The following ATXN3 variants were observed in gnomAD, a reference collection of about 807,000 sequenced individuals.
The protein encoded by ATXN3 is ataxin 3, also known as ataxin-3.
ATXN3 carries 28 observed loss-of-function variants against 58.2 expected under a neutral mutation model. The ratio of observed to expected loss-of-function variants is 0.48; its 90% CI spans 0.36 to 0.66. The LOEUF (loss-of-function observed/expected upper bound fraction) is 0.66, where lower values mean the gene tolerates loss of function less well. ATXN3 is among the 30% of genes least tolerant of loss of function. ATXN3 has a pLI of 0.00. For missense variants in ATXN3, 321 were observed against 422.1 expected, an observed-to-expected ratio of 0.76 and a Z score of 2.10; for synonymous variants, 113 against 138.5, an observed-to-expected ratio of 0.82 and a Z score of 1.29.
At chr14:92,091,226 G>A (rs929395764) in intron 5 of ATXN3, among the ~76,000 whole-genome samples, 3 of 152,122 alleles carry the variant, frequency 2.0e-5, no homozygotes, top group Middle Eastern at 3.4e-3. Context: ...AGAGACGGAC[G>A]GATCACCTGA....
At chr14:92,066,774 A>ATTTT (rs144833998) in intron 10 of ATXN3, among the ~76,000 whole-genome samples, 20,563 of 140,348 alleles carry the variant, frequency 0.15, 1,612 homozygotes, top group African/African-American at 0.2. Context: ...AGCCTGGATA[A>ATTTT]TTTTTTTTTT....
rs192725335 is a variant in ATXN3 at position 92,087,602 on chromosome 14, T to C, written c.475+1128A>G. Among the ~76,000 whole-genome samples the C allele has an allele frequency of 9.2e-5, 14 of 152,328 alleles. No individual in the cohort carries two copies. In the East Asian group the frequency reaches 2.5e-3, roughly 27 times the overall value. Reference sequence around the variant, plus strand: ...TGTGGTTTAACCAGGGTTGAGATTTTTGTCATTCAAGTATGATGGAGGGAG... The same window carrying C: ...TGTGGTTTAACCAGGGTTGAGATTTCTGTCATTCAAGTATGATGGAGGGAG... On this transcript the variant is annotated intron_variant, in intron 6 of 10. Coordinates refer to ENST00000644486, the MANE Select transcript of ATXN3 (RefSeq NM_004993.6).
chr14:92,092,856 T>A (rs1195657144), intron 5 of ATXN3, among the ~76,000 whole-genome samples: 2 of 133,410 alleles, frequency 1.5e-5, no homozygotes, highest in African/African-American at 2.9e-5. Context: ...AATTTTTAAA[T>A]ATATTTTTTT....
Position 92,093,319 on chromosome 14 carries a change from C to A in ATXN3, c.321-1G>T. ...ATTGCATATAAATGATCTTTCATTT[C>A]TAAAAAAGAAAACAGACAATATTAA... is the stretch of plus-strand genomic sequence containing the variant. On this transcript the variant is annotated splice_acceptor_variant, in intron 4 of 10. Transcript: ENST00000644486. LOFTEE classifies it high-confidence loss of function. 1.4e-6 allele frequency: 2 copies of A among 1,381,250 alleles called. No homozygotes were observed. Among genetic ancestry groups the A allele is most frequent in the Non-Finnish European group, 2.0e-6 (2 of 986,088 alleles). 85.6% of individuals were successfully genotyped at this position (1,381,250 alleles called of 1,614,324 possible). A position where few individuals can be genotyped will look rare whatever the true frequency, so the allele number is the denominator to read the frequency against.
At chr14:92,050,842 G>C (rs79813224), upstream of ATXN3, among the ~76,000 whole-genome samples, 18,213 of 152,196 alleles carry the variant, frequency 0.12, 1,166 homozygotes, top group African/African-American at 0.17. Context: ...TCAAACTCCT[G>C]ACTTGAAGTG....
At chr14:92,083,023 A>G (rs1438710461) in intron 7 of ATXN3, 103 bp downstream of exon 7, 6 of 1,364,928 alleles carry the variant, frequency 4.4e-6, no homozygotes, top group Non-Finnish European at 6.0e-6. Flanking sequence ...TCCAAAATAG[A>G]GTCGCCAACA....
intron 9 of ATXN3, among the ~76,000 whole-genome samples, chr14:92,075,156 G>GTTTTTTTT (rs376552690): frequency 1.3e-4 from 14 of 111,354 alleles, no homozygotes; most frequent in Admixed American, 3.4e-4. Flanking sequence ...GTAATAGGGA[G>GTTTTTTTT]TTTTTTTTTT....
intron 3 of ATXN3, among the ~76,000 whole-genome samples, chr14:92,094,440 T>C (rs1322019100): frequency 1.3e-5 from 2 of 152,204 alleles, no homozygotes; most frequent in African/African-American, 4.8e-5. Context: ...GTCTACTATA[T>C]ACATCTGATA....
At chr14:92,083,429 C>G in intron 6 of ATXN3, 171 bp from the exon 7 acceptor site, 1 of 752,672 alleles carries the variant, frequency 1.3e-6, no homozygotes, top group Non-Finnish European at 2.2e-6. Context: ...GTAAAGTCGT[C>G]TAAGGTAAGT....
chr14:92,047,284 C>A (rs1280265774), intron 2 of ATXN3, among the ~76,000 whole-genome samples: 3 of 152,208 alleles, frequency 2.0e-5, no homozygotes, highest in Non-Finnish European at 2.9e-5. Flanking sequence ...ATAGGCAAAA[C>A]AATTTGGTTG....
intron 1 of ATXN3, chr14:92,048,226 C>T (rs996406089): frequency 2.6e-5 from 4 of 152,206 alleles, no homozygotes; most frequent in African/African-American, 9.7e-5. Flanking sequence ...GCAGTTCAGG[C>T]ATTTGGAAGG....
At chr14:92,086,253 C>CAAAAAAAAAAAAAAAAAA (rs869147623) in intron 6 of ATXN3, among the ~76,000 whole-genome samples, 2 of 94,922 alleles carry the variant, frequency 2.1e-5, no homozygotes, top group African/African-American at 8.7e-5. Flanking sequence ...ACTAAAAATA[C>CAAAAAAAAAAAAAAAAAA]AAAAAAAAAA....
chr14:92,070,672 A>G (rs2059261457), intron 10 of ATXN3: 1 of 886,182 alleles, frequency 1.1e-6, no homozygotes, highest in Non-Finnish European at 1.7e-6. Flanking sequence ...TATTCATTAA[A>G]TGTTCTAGCA....
intron 3 of ATXN3, 112 bp downstream of exon 3, chr14:92,095,981 C>G: frequency 1.1e-6 from 1 of 897,058 alleles, no homozygotes. Context: ...ATAATCTATA[C>G]TCTGTAGACA....
intron 6 of ATXN3, among the ~76,000 whole-genome samples, chr14:92,086,253 C>CAA (rs869147623): frequency 1.7e-4 from 16 of 94,926 alleles, no homozygotes; most frequent in Middle Eastern, 6.6e-3. Context: ...ACTAAAAATA[C>CAA]AAAAAAAAAA....
At chr14:92,046,302 G>T (rs1467310356) in intron 2 of ATXN3, 1 of 152,328 alleles carries the variant, frequency 6.6e-6, no homozygotes, top group African/African-American at 2.4e-5. Flanking sequence ...GATTAGGCCA[G>T]GTGGAACTGC....
rs540592864 is a variant in ATXN3 at position 92,101,726 on chromosome 14, C to T, written c.24+4803G>A. Among the ~76,000 whole-genome samples the T allele has an allele frequency of 9.9e-4, 150 of 152,194 alleles. 1 individual carries two copies. The highest frequency in any genetic ancestry group is 3.5e-3 in the African/African-American group (145 of 41,534). The stretch of plus-strand genomic sequence containing the variant: ...TATAAGAATTAGCCAGGTGTGGTGG[C>T]AGGCGCCTGTAGTCCCAGGTGCTCA... On this transcript the variant is annotated intron_variant, in intron 1 of 10. Coordinates refer to ENST00000644486, the MANE Select transcript of ATXN3 (RefSeq NM_004993.6).
Position 92,096,834 on chromosome 14 carries a change from T to C in ATXN3, c.29A>G (p.Glu10Gly). 6.2e-7 allele frequency: 1 copy of C among 1,613,460 alleles called. No homozygotes were observed. Among genetic ancestry groups the C allele is most frequent in the Non-Finnish European group, 8.5e-7 (1 of 1,179,628 alleles). The change falls in exon 2 of 11, where the codon GAA (glutamate) becomes GGA (glycine). Residue 10 changes from glutamate (E) to glycine (G), a missense_variant. Glu to Gly is a moderately conservative substitution (Grantham distance 98). This residue lies in a region of ATXN3 where 121 missense variants were observed against 198.9 expected (regional missense o/e 0.61). Coordinates refer to ENST00000644486, the MANE Select transcript of ATXN3 (RefSeq NM_004993.6). MESIFHEKQ[E>G]GSLCAQHCLN... ...GCAATGTTGAGCACAAAGTGAGCCTTCTTGCTAATATTTCCAAAAGAAAAA... is the reference window on the plus strand; with the variant it reads ...GCAATGTTGAGCACAAAGTGAGCCTCCTTGCTAATATTTCCAAAAGAAAAA...
At chr14:92,082,919 G>A (rs931928073) in intron 7 of ATXN3, among the ~76,000 whole-genome samples, 5 of 151,996 alleles carry the variant, frequency 3.3e-5, no homozygotes, top group African/African-American at 1.2e-4. Context: ...CGAAGTGCTA[G>A]GAATATACCA....
Sources: allele counts gnomAD v4.1 joint callset (sites outside exome capture counted in the v4.1 genomes callset), GRCh38; gene constraint gnomAD v4.1.1; regional missense constraint gnomAD v4.1.1; transcripts MANE v1.5; gene names NCBI Gene and HGNC (gene_info 2026-07-23, HGNC 2026-07-21).